Variants in ROBO2 observed in about 807,000 individuals in gnomAD.
The protein encoded by ROBO2 is roundabout guidance receptor 2.
A neutral mutation model predicts 160.8 loss-of-function variants in ROBO2; 53 were observed. The observed-to-expected ratio is 0.33, with a 90% CI of 0.26 to 0.41. The LOEUF (loss-of-function observed/expected upper bound fraction) is 0.41. ROBO2 is among the 10% of genes least tolerant of loss of function. The probability of loss-of-function intolerance (pLI) is 1.00; values close to 1 mark genes in which losing one functional copy is unlikely to be tolerated. For missense variants in ROBO2, 1,577 were observed against 1,722.4 expected (o/e 0.92, Z 1.49); for synonymous variants, 664 against 611.7 (o/e 1.09, Z -1.26).
At chr3:76,258,607 G>C (rs137994181) in intron 2 of ROBO2, among the ~76,000 whole-genome samples, 45 of 151,968 alleles carry the variant, frequency 3.0e-4, no homozygotes, top group African/African-American at 1.1e-3. Context: ...TCATGGTTCT[G>C]TTGTTATTGT....
At chr3:76,748,737 T>G (rs1381085604) in intron 2 of ROBO2, among the ~76,000 whole-genome samples, 1 of 151,926 alleles carries the variant, frequency 6.6e-6, no homozygotes, top group East Asian at 1.9e-4. Flanking sequence ...GGTAGGGTCA[T>G]AAACTGTTAC....
chr3:77,421,374 TA>T (rs2077699989), intron 2 of ROBO2, among the ~76,000 whole-genome samples: 1 of 152,164 alleles, frequency 6.6e-6, no homozygotes, highest in African/African-American at 2.4e-5. Flanking sequence ...TCTGATCGTG[TA>T]TAACATTTTT....
At chr3:76,115,978 G>T (rs1004211260) in intron 2 of ROBO2, among the ~76,000 whole-genome samples, 4 of 152,138 alleles carry the variant, frequency 2.6e-5, no homozygotes, top group Non-Finnish European at 4.4e-5. Flanking sequence ...TAAAGATCAT[G>T]TATGTCTATT....
chr3:76,788,618 T>G (rs1366336890), intron 2 of ROBO2, among the ~76,000 whole-genome samples: 1 of 151,590 alleles, frequency 6.6e-6, no homozygotes, highest in Non-Finnish European at 1.5e-5. Context: ...ACAGGAAAGT[T>G]ATTACTTTAA....
Position 77,489,687 on chromosome 3 carries a change from C to CTT in ROBO2, c.668-3555_668-3554dup, listed in dbSNP as rs1227316060. Among the ~76,000 whole-genome samples, 3 of 152,170 alleles carry CTT rather than the reference C, an allele frequency of 2.0e-5. No homozygotes were observed. The East Asian group carries it at 5.8e-4, about 29-fold the overall frequency. On this transcript the variant is annotated intron_variant, in intron 4 of 25. Coordinates refer to ENST00000461745, the Ensembl canonical transcript of ROBO2. Reference sequence around the variant, plus strand: ...GCATGTTAAGGAAAGCATACACAAACTTTGCCTGAAAATATAAGTATTTTA... The same window carrying CTT: ...GCATGTTAAGGAAAGCATACACAAACTTTTTGCCTGAAAATATAAGTATTTTA...
chr3:77,201,509 G>T (rs188779091), intron 2 of ROBO2, among the ~76,000 whole-genome samples: 165 of 152,148 alleles, frequency 1.1e-3, no homozygotes, highest in African/African-American at 3.5e-3. Context: ...TAACAAGGCC[G>T]CTGAACCTTT....
intron 2 of ROBO2, among the ~76,000 whole-genome samples, chr3:76,850,613 T>G (rs2069246289): frequency 6.6e-6 from 1 of 152,160 alleles, no homozygotes; most frequent in South Asian, 2.1e-4. Flanking sequence ...GATGCTCTTT[T>G]TTGCTCCTTA....
chr3:77,063,723 G>A (rs897155253), intron 1 of ROBO2, among the ~76,000 whole-genome samples: 11 of 152,078 alleles, frequency 7.2e-5, no homozygotes, highest in South Asian at 6.2e-4. Context: ...ATAAATATTC[G>A]TTGAATTCAA....
At chr3:77,560,931 T>A (rs576409244) in intron 9 of ROBO2, among the ~76,000 whole-genome samples, 1 of 152,268 alleles carries the variant, frequency 6.6e-6, no homozygotes, top group Admixed American at 6.5e-5. Context: ...GCTCATTATA[T>A]TTAGTTTGTG....
chr3:76,935,028 C>A (rs1485714202), intron 2 of ROBO2, among the ~76,000 whole-genome samples: 4 of 148,894 alleles, frequency 2.7e-5, no homozygotes, highest in African/African-American at 9.9e-5. Context: ...TAACTGCTCA[C>A]TGCAGTCTTG....
intron 2 of ROBO2, among the ~76,000 whole-genome samples, chr3:76,178,856 G>A (rs1376126865): frequency 1.3e-5 from 2 of 152,016 alleles, no homozygotes; most frequent in Non-Finnish European, 2.9e-5. Context: ...CAGGAGAATC[G>A]CTTGAACCTG....
intron 6 of ROBO2, among the ~76,000 whole-genome samples, chr3:77,524,798 T>C (rs867669309): frequency 2.6e-5 from 4 of 151,396 alleles, no homozygotes; most frequent in Non-Finnish European, 3.0e-5. Context: ...GTTTTTTTTT[T>C]CTTAAATCAG....
intron 2 of ROBO2, among the ~76,000 whole-genome samples, chr3:76,326,179 A>C (rs2072999657): frequency 6.6e-6 from 1 of 152,216 alleles, no homozygotes; most frequent in African/African-American, 2.4e-5. Flanking sequence ...GAGGTTAGAC[A>C]CTAAGTAAGC....
intron 2 of ROBO2, among the ~76,000 whole-genome samples, chr3:76,916,829 T>C (rs924691938): frequency 6.6e-6 from 1 of 152,034 alleles, no homozygotes; most frequent in East Asian, 1.9e-4. Context: ...ACAAGAGACC[T>C]AGCCTCCCTC....
intron 2 of ROBO2, among the ~76,000 whole-genome samples, chr3:75,954,525 G>T (rs1240995950): frequency 6.6e-6 from 1 of 151,864 alleles, no homozygotes; most frequent in African/African-American, 2.4e-5. Flanking sequence ...CTTTAGCAAA[G>T]TAGTTCCTAA....
chr3:76,135,552 G>A (rs1559580862), intron 2 of ROBO2, among the ~76,000 whole-genome samples: 1 of 152,112 alleles, frequency 6.6e-6, no homozygotes, highest in Non-Finnish European at 1.5e-5. Context: ...AGGGAAAGAT[G>A]TTATGGGCTG....
intron 2 of ROBO2, among the ~76,000 whole-genome samples, chr3:77,368,249 A>G (rs2071212580): frequency 1.6e-5 from 1 of 62,266 alleles, no homozygotes; most frequent in Non-Finnish European, 3.4e-5. Context: ...GGGGTCAAAT[A>G]CATTCATTTT....
intron 2 of ROBO2, among the ~76,000 whole-genome samples, chr3:77,181,454 A>G (rs968005647): frequency 6.6e-6 from 1 of 152,130 alleles, no homozygotes; most frequent in Non-Finnish European, 1.5e-5. Context: ...TTATTAAAAT[A>G]GGACTTGCTG....
chr3:77,571,904 G>GAA (rs78462911), intron 13 of ROBO2, among the ~76,000 whole-genome samples: 6 of 144,008 alleles, frequency 4.2e-5, no homozygotes, highest in South Asian at 4.3e-4. Flanking sequence ...ATTTCGTCCT[G>GAA]AAAAAAAAAA....
Sources: gnomAD v4.1 joint callset for allele counts (sites outside exome capture counted in the v4.1 genomes callset) on GRCh38, gnomAD v4.1.1 for gene constraint, MANE v1.5 for transcripts, NCBI Gene and HGNC (gene_info 2026-07-23, HGNC 2026-07-21) for gene names.